Variants in REV3L observed in about 807,000 individuals in gnomAD.
REV3L encodes DNA polymerase zeta catalytic subunit.
REV3L carries 69 observed loss-of-function variants against 299.4 expected under a neutral mutation model. That is an observed-to-expected ratio of 0.23 (90% CI 0.19 to 0.28). REV3L has a LOEUF of 0.28. REV3L is among the 10% of genes least tolerant of loss of function. The probability of loss-of-function intolerance (pLI) is 1.00; values close to 1 mark genes in which losing one functional copy is unlikely to be tolerated. For missense variants in REV3L, 3,128 were observed against 3,693.8 expected, an observed-to-expected ratio of 0.85 and a Z score of 3.97; for synonymous variants, 1,238 against 1,271.4, an observed-to-expected ratio of 0.97 and a Z score of 0.56.
chr6:111,443,556 T>C (rs1386143710), intron 1 of REV3L, among the ~76,000 whole-genome samples: 1 of 152,204 alleles, frequency 6.6e-6, no homozygotes, highest in Non-Finnish European at 1.5e-5. Context: ...TAAATTTTGT[T>C]AGTGCAGGTC....
Position 111,367,501 on chromosome 6 carries a change from G to T in REV3L, c.6287C>A (p.Pro2096Gln). Residue 2096 changes from proline (P) to glutamine (Q), a missense_variant, in exon 14 of 32, where the codon CCA becomes CAA. Pro to Gln is a moderately conservative substitution (Grantham distance 76). This residue lies in a region of REV3L where 2,409 missense variants were observed against 2,611.8 expected (regional missense o/e 0.92). Coordinates refer to ENST00000368802, the MANE Select transcript of REV3L (RefSeq NM_001372078.1). ...QTASESQMLP[P>Q]VASASDPEKD... ...TTCGGGATCACTTGCAGAGGCAACTGGTGGCAGCATCTGACTTTCACTTGC... is the reference window on the plus strand; with the variant it reads ...TTCGGGATCACTTGCAGAGGCAACTTGTGGCAGCATCTGACTTTCACTTGC... 6.2e-7 allele frequency: 1 copy of T among 1,609,644 alleles called. No homozygotes were observed. The highest frequency in any genetic ancestry group is 8.5e-7 in the Non-Finnish European group (1 of 1,176,410).
At chr6:111,301,040 T>A (rs1179052890) in intron 31 of REV3L, among the ~76,000 whole-genome samples, 1 of 152,160 alleles carries the variant, frequency 6.6e-6, no homozygotes, top group Non-Finnish European at 1.5e-5. Context: ...CAGCAAGGAA[T>A]AACCCCGGGA....
intron 26 of REV3L, among the ~76,000 whole-genome samples, chr6:111,315,935 T>G (rs771910362): frequency 1.3e-5 from 2 of 152,190 alleles, no homozygotes; most frequent in African/African-American, 2.4e-5. Flanking sequence ...TCCCTGGTGC[T>G]AAAAAGGTTG....
At chr6:111,321,332 A>T (rs1774170007) in intron 26 of REV3L, among the ~76,000 whole-genome samples, 1 of 152,246 alleles carries the variant, frequency 6.6e-6, no homozygotes, top group Non-Finnish European at 1.5e-5. Context: ...AATCAGAATC[A>T]TGCTGACTTC....
rs193083639 is a variant in REV3L at position 111,475,235 on chromosome 6, T to C, written c.139+7515A>G. 3.6e-4 allele frequency among the ~76,000 whole-genome samples: 55 copies of C among 152,280 alleles called. 1 individual carries two copies. Among genetic ancestry groups the C allele is most frequent in the African/African-American group, 1.3e-3 (54 of 41,554 alleles). ...GCTGACTAGTATTCTGTTGAATATA[T>C]ACACCATAATTCACCTAACTACTTC... On this transcript the variant is annotated intron_variant, in intron 1 of 31. Transcript: ENST00000368802.
At position 111,358,943 on chromosome 6, in the gene REV3L, T is replaced by C. The variant is rs1778367975; in HGVS notation, c.6951A>G (p.Glu2317=). The change falls in exon 17 of 32, where the codon GAA becomes GAG. Residue 2317 remains glutamate, a synonymous_variant. Coordinates refer to ENST00000368802, the MANE Select transcript of REV3L (RefSeq NM_001372078.1). Reference sequence around the variant, plus strand: ...AGAACAGAGCACAGATTGGGTCAAATTCAGGATCCGGTTCTAAGTCTCGTC... The same window carrying C: ...AGAACAGAGCACAGATTGGGTCAAACTCAGGATCCGGTTCTAAGTCTCGTC... ...RTRRDLEPDP[E]FDPICALFYC... is the part of the protein sequence containing the mutation. The C allele has an allele frequency of 3.7e-6, 6 of 1,614,128 alleles. No individual in the cohort carries two copies. The highest frequency in any genetic ancestry group is 4.2e-6 in the Non-Finnish European group (5 of 1,179,990).
intron 25 of REV3L, among the ~76,000 whole-genome samples, chr6:111,325,118 C>T (rs1183268261): frequency 1.3e-5 from 2 of 152,196 alleles, no homozygotes; most frequent in East Asian, 3.8e-4. Context: ...GCCTTGGCCT[C>T]CCAAAGTGCT....
chr6:111,425,280 C>T (rs1786035483), intron 1 of REV3L, among the ~76,000 whole-genome samples: 1 of 152,006 alleles, frequency 6.6e-6, no homozygotes, highest in Admixed American at 6.5e-5. Flanking sequence ...AACATGGAAA[C>T]CCCGTCTCTA....
chr6:111,307,537 G>A lies in REV3L; in HGVS notation c.9076C>T (p.Pro3026Ser). The change falls in exon 31 of 32, where the codon CCT becomes TCT. Residue 3026 changes from proline to serine, a missense_variant. Coordinates refer to ENST00000368802, the MANE Select transcript of REV3L (RefSeq NM_001372078.1). ...GAAATAGTGCCTTTCCGCCCTTCAG[G>A]TTCACTTCGCGAGGAGCTGGTAGCT... Reference protein sequence around the residue: ...HKATSSSRSEPEGRKGTISQY... With the variant: ...HKATSSSRSESEGRKGTISQY... 6.2e-7 allele frequency: 1 copy of A among 1,614,144 alleles called. No homozygotes were observed. The highest frequency in any genetic ancestry group is 8.5e-7 in the Non-Finnish European group (1 of 1,180,028).
At chr6:111,333,477 CTTTTTTT>C in intron 22 of REV3L, 110 bp from the exon 23 acceptor site, 2 of 1,000,862 alleles carry the variant, frequency 2.0e-6, no homozygotes, top group Non-Finnish European at 2.8e-6. Context: ...GATTGTATGA[CTTTTTTT>C]TTTTTTTGAG....
At position 111,374,254 on chromosome 6, in the gene REV3L, C is replaced by T; in HGVS notation, c.4101G>A (p.Gln1367=). Residue 1367 remains glutamine (Q), a synonymous_variant, in exon 13 of 32, where the codon CAG becomes CAA. Coordinates refer to ENST00000368802, the MANE Select transcript of REV3L (RefSeq NM_001372078.1). The part of the protein sequence containing the change: ...NIFDLSNHLS[Q]VAQNTQISSG... ...AAGATATCTGTGTATTCTGTGCTAC[C>T]TGAGATAAATGATTGGAAAGGTCAA... The T allele has an allele frequency of 1.9e-6, 3 of 1,613,518 alleles. No individual in the cohort carries two copies. Among genetic ancestry groups the T allele is most frequent in the Non-Finnish European group, 2.5e-6 (3 of 1,179,578 alleles).
intron 1 of REV3L, among the ~76,000 whole-genome samples, chr6:111,417,329 C>A (rs1390219879): frequency 6.6e-6 from 1 of 152,176 alleles, no homozygotes; most frequent in Non-Finnish European, 1.5e-5. Context: ...AAAGCAGATG[C>A]ACCATTGCTC....
intron 21 of REV3L, among the ~76,000 whole-genome samples, chr6:111,336,615 G>T (rs979171637): frequency 7.9e-5 from 12 of 152,060 alleles, no homozygotes; most frequent in African/African-American, 2.9e-4. Context: ...TAATTTGGCA[G>T]TTCCTCAAAC....
intron 14 of REV3L, among the ~76,000 whole-genome samples, chr6:111,365,921 G>A (rs1218311226): frequency 2.6e-5 from 4 of 152,116 alleles, no homozygotes; most frequent in Non-Finnish European, 4.4e-5. Flanking sequence ...CAGGAGCCCA[G>A]GCAAGAGATG....
In REV3L at chr6:111,374,340, G is replaced by A. The variant is rs17539616; in HGVS notation, c.4015C>T (p.Pro1339Ser). The A allele has an allele frequency of 6.2e-7, 1 of 1,613,844 alleles. No homozygotes were observed. Among genetic ancestry groups the A allele is most frequent in the East Asian group, 2.2e-5 (1 of 44,868 alleles). Residue 1339 changes from proline (P) to serine (S), a missense_variant, in exon 13 of 32, where the codon CCT becomes TCT. Physicochemically the swap from Pro to Ser is moderately conservative, Grantham distance 74. Transcript: ENST00000368802. ...PGVSKINVQR[P>S]HNQSAMFTLK... Reference sequence around the variant, plus strand: ...GTAAACATAGCACTTTGATTATGAGGCCTTTGAACATTAATTTTTGAGACT... The same window carrying A: ...GTAAACATAGCACTTTGATTATGAGACCTTTGAACATTAATTTTTGAGACT...
chr6:111,325,936 T>C (rs1193018549), intron 25 of REV3L, among the ~76,000 whole-genome samples: 2 of 152,336 alleles, frequency 1.3e-5, no homozygotes, highest in African/African-American at 2.4e-5. Context: ...CCCCACCTCA[T>C]TGCCTCTGGC....
chr6:111,376,875 GTTATCT>G, intron 12 of REV3L, 118 bp from the exon 13 acceptor site: 2 of 762,678 alleles, frequency 2.6e-6, no homozygotes, highest in Non-Finnish European at 3.9e-6. Flanking sequence ...ATTAAGTTTG[GTTATCT>G]TAACAAAAAG....
intron 1 of REV3L, among the ~76,000 whole-genome samples, chr6:111,452,002 G>C (rs763801969): frequency 4.6e-5 from 7 of 151,978 alleles, no homozygotes; most frequent in Non-Finnish European, 1.0e-4. Flanking sequence ...AATGAATAAA[G>C]AACCCTTTCA....
At chr6:111,399,141 CTAAT>C (rs1005479414) in intron 4 of REV3L, among the ~76,000 whole-genome samples, 10 of 152,170 alleles carry the variant, frequency 6.6e-5, no homozygotes, top group African/African-American at 1.9e-4. Flanking sequence ...CTGGAAAAAA[CTAAT>C]TATGAAAATT....
Sources: allele counts gnomAD v4.1 joint callset (sites outside exome capture counted in the v4.1 genomes callset), GRCh38; gene constraint gnomAD v4.1.1; regional missense constraint gnomAD v4.1.1; transcripts MANE v1.5; gene names NCBI Gene and HGNC (gene_info 2026-07-23, HGNC 2026-07-21).